The following ATXN1 variants were observed in gnomAD, a reference collection of about 807,000 sequenced individuals.
ATXN1 encodes ataxin-1.
ATXN1 carries 8 observed loss-of-function variants against 56.4 expected under a neutral mutation model. That is an observed-to-expected ratio of 0.14 (90% CI 0.08 to 0.26). The LOEUF (loss-of-function observed/expected upper bound fraction) is 0.26. Ranked by LOEUF, ATXN1 falls within the 10% of genes least tolerant of loss-of-function variation. The pLI is 1.00. For synonymous variants in ATXN1, 514 were observed against 494.6 expected (o/e 1.04, Z -0.52); for missense variants, 987 against 1,106.5 (o/e 0.89, Z 1.53).
chr6:16,710,972 T>G (rs1759510413), intron 2 of ATXN1, among the ~76,000 whole-genome samples: 1 of 151,974 alleles, frequency 6.6e-6, no homozygotes, highest in African/African-American at 2.4e-5. Context: ...AGCCTCAAAC[T>G]CCTGGGCCCA....
intron 2 of ATXN1, among the ~76,000 whole-genome samples, chr6:16,701,993 T>G (rs911821390): frequency 6.6e-6 from 1 of 152,048 alleles, no homozygotes; most frequent in Non-Finnish European, 1.5e-5. Flanking sequence ...ACTTTAAAGT[T>G]CATATGGAAC....
intron 3 of ATXN1, among the ~76,000 whole-genome samples, chr6:16,620,450 C>T (rs567426042): frequency 3.3e-5 from 5 of 151,888 alleles, no homozygotes; most frequent in African/African-American, 1.2e-4. Context: ...TGGTTGTTTC[C>T]TTAGGACAAA....
At chr6:16,724,521 C>T (rs1335234726) in intron 2 of ATXN1, among the ~76,000 whole-genome samples, 1 of 152,244 alleles carries the variant, frequency 6.6e-6, no homozygotes, top group South Asian at 2.1e-4. Context: ...GCAAGCAACC[C>T]ATGAACAGGG....
intron 3 of ATXN1, among the ~76,000 whole-genome samples, chr6:16,655,760 G>T (rs1294903288): frequency 6.6e-6 from 1 of 151,924 alleles, no homozygotes; most frequent in Non-Finnish European, 1.5e-5. Context: ...ATAAAGCACT[G>T]TGCCACATTT....
chr6:16,393,259 A>G (rs1431356690), intron 6 of ATXN1, among the ~76,000 whole-genome samples: 2 of 151,816 alleles, frequency 1.3e-5, no homozygotes, highest in Non-Finnish European at 2.9e-5. Flanking sequence ...TTTATTGTAT[A>G]TATTTATTTT....
At chr6:16,620,262 A>AAC (rs60586256) in intron 3 of ATXN1, among the ~76,000 whole-genome samples, 24,029 of 137,320 alleles carry the variant, frequency 0.17, 1,876 homozygotes, top group Admixed American at 0.24. Flanking sequence ...CTGTCTCTCA[A>AAC]ACACACACAC....
intron 5 of ATXN1, among the ~76,000 whole-genome samples, chr6:16,501,160 G>T (rs547867263): frequency 6.6e-6 from 1 of 152,330 alleles, no homozygotes; most frequent in Admixed American, 6.5e-5. Flanking sequence ...CACACACAAG[G>T]CTTGAGTGAA....
chr6:16,753,260 G>A lies in ATXN1; in HGVS notation c.-642C>T, dbSNP rs1404973084. On this transcript the variant is annotated 5_prime_UTR_variant, in exon 2 of 8. Transcript: ENST00000436367. ...GACATGTGATGCACTTCCCTGTAGTGGCAGTGGAGGAGGAGATTGCTGTAC... is the reference window on the plus strand; with the variant it reads ...GACATGTGATGCACTTCCCTGTAGTAGCAGTGGAGGAGGAGATTGCTGTAC... The A allele has an allele frequency of 2.2e-6, 1 of 456,582 alleles. No homozygotes were observed. The highest frequency in any genetic ancestry group is 4.4e-6 in the Non-Finnish European group (1 of 226,988). 28.3% of individuals were successfully genotyped at this position (456,582 alleles called of 1,614,324 possible).
intron 4 of ATXN1, among the ~76,000 whole-genome samples, chr6:16,538,526 C>T (rs1761648909): frequency 6.6e-6 from 1 of 151,916 alleles, no homozygotes; most frequent in Admixed American, 6.6e-5. Context: ...TGGCGTGCTG[C>T]ACCCATTAAC....
chr6:16,379,846 A>G (rs1762216250), intron 6 of ATXN1, among the ~76,000 whole-genome samples: 1 of 152,256 alleles, frequency 6.6e-6, no homozygotes, highest in African/African-American at 2.4e-5. Flanking sequence ...TTTTGAACAT[A>G]TCCTCAAGAT....
chr6:16,710,046 T>C (rs1271002611), intron 2 of ATXN1, among the ~76,000 whole-genome samples: 1 of 152,028 alleles, frequency 6.6e-6, no homozygotes, highest in African/African-American at 2.4e-5. Context: ...AAAAAGAGAA[T>C]AGAAGGAAAC....
intron 2 of ATXN1, among the ~76,000 whole-genome samples, chr6:16,680,152 G>A (rs1758784737): frequency 6.6e-6 from 1 of 152,056 alleles, no homozygotes; most frequent in Non-Finnish European, 1.5e-5. Flanking sequence ...CTATCAGAAT[G>A]TGTAAAGTTC....
In ATXN1 at chr6:16,342,696, C is replaced by T. The variant is rs1051791361; in HGVS notation, c.-160-14226G>A. ...GCTATTATTCATCCCCCTCTCCTTA[C>T]AAAGGAATGACATTCTGTTACATGC... On this transcript the variant is annotated intron_variant, in intron 6 of 7. Coordinates refer to ENST00000436367, the MANE Select transcript of ATXN1 (RefSeq NM_001128164.2). 5.0e-4 allele frequency among the ~76,000 whole-genome samples: 76 copies of T among 152,304 alleles called. 1 individual carries two copies. The highest frequency in any genetic ancestry group is 4.4e-3 in the Admixed American group (67 of 15,300).
intron 3 of ATXN1, among the ~76,000 whole-genome samples, chr6:16,647,431 C>T (rs1184121301): frequency 6.6e-6 from 1 of 152,200 alleles, no homozygotes; most frequent in Non-Finnish European, 1.5e-5. Flanking sequence ...CAAGAACCTA[C>T]ACTTTTCAAC....
At chr6:16,523,691 T>A (rs564188431) in intron 4 of ATXN1, among the ~76,000 whole-genome samples, 1 of 152,156 alleles carries the variant, frequency 6.6e-6, no homozygotes, top group Non-Finnish European at 1.5e-5. Context: ...TATGGGAATG[T>A]GGACTTGGCA....
chr6:16,530,881 A>G (rs539562912), intron 4 of ATXN1, among the ~76,000 whole-genome samples: 1 of 152,258 alleles, frequency 6.6e-6, no homozygotes, highest in South Asian at 2.1e-4. Flanking sequence ...CTTTCCCATT[A>G]TCTCAATGCT....
intron 6 of ATXN1, among the ~76,000 whole-genome samples, chr6:16,341,281 C>A (rs1053736508): frequency 1.3e-5 from 2 of 152,162 alleles, no homozygotes; most frequent in Admixed American, 1.3e-4. Flanking sequence ...GGCTGAGAGA[C>A]CAGAACCCTT....
At chr6:16,483,429 C>A (rs765705049) in intron 6 of ATXN1, among the ~76,000 whole-genome samples, 6 of 152,192 alleles carry the variant, frequency 3.9e-5, no homozygotes, top group African/African-American at 1.4e-4. Context: ...TTGGGGCATG[C>A]AGGACACTAA....
intron 4 of ATXN1, among the ~76,000 whole-genome samples, chr6:16,569,114 T>G (rs1762284054): frequency 6.6e-6 from 1 of 152,130 alleles, no homozygotes; most frequent in South Asian, 2.1e-4. Context: ...AGCGGCAGTA[T>G]CTAGAAGGTT....
Sources: gnomAD v4.1 joint callset for allele counts (sites outside exome capture counted in the v4.1 genomes callset) on GRCh38, gnomAD v4.1.1 for gene constraint, MANE v1.5 for transcripts, NCBI Gene and HGNC (gene_info 2026-07-23, HGNC 2026-07-21) for gene names.